The following TACC2 variants were observed in gnomAD, a reference collection of about 807,000 sequenced individuals.
TACC2 encodes the protein transforming acidic coiled-coil-containing protein 2.
TACC2 carries 137 observed loss-of-function variants against 227.3 expected under a neutral mutation model. The observed-to-expected ratio is 0.60, with a 90% CI of 0.52 to 0.69. The LOEUF is 0.69. TACC2 is among the 30% of genes least tolerant of loss of function. The probability of loss-of-function intolerance (pLI) is 0.00; values close to 1 mark genes in which losing one functional copy is unlikely to be tolerated. For synonymous variants in TACC2, 1,523 were observed against 1,487.5 expected, an observed-to-expected ratio of 1.02 and a Z score of -0.55; for missense variants, 3,470 against 3,694.4, an observed-to-expected ratio of 0.94 and a Z score of 1.57.
chr10:122,195,327 C>T, intron 8 of TACC2, 151 bp downstream of exon 8: 1 of 660,020 alleles, frequency 1.5e-6, no homozygotes, highest in South Asian at 2.6e-5. Context: ...TTGTAGTTTT[C>T]TTGAAAATGA....
chr10:122,092,902 G>T (rs1265018780), intron 5 of TACC2, among the ~76,000 whole-genome samples: 1 of 152,202 alleles, frequency 6.6e-6, no homozygotes, highest in Non-Finnish European at 1.5e-5. Flanking sequence ...AGGTTGTTCT[G>T]CAGAAGGTGC....
chr10:122,034,360 C>T (rs2461211), intron 2 of TACC2, among the ~76,000 whole-genome samples: 24,487 of 152,016 alleles, frequency 0.16, 2,758 homozygotes, highest in African/African-American at 0.31. Context: ...GGGCTGATGA[C>T]TCATGTTTTA....
At chr10:122,023,908 AG>A (rs1957663262) in intron 2 of TACC2, 1 of 151,938 alleles carries the variant, frequency 6.6e-6, no homozygotes, top group African/African-American at 2.4e-5. Context: ...TGTCTTAAAC[AG>A]GGAAGCCACC....
intron 5 of TACC2, among the ~76,000 whole-genome samples, chr10:122,113,804 G>A (rs2084105854): frequency 6.6e-6 from 1 of 152,222 alleles, no homozygotes; most frequent in African/African-American, 2.4e-5. Context: ...TCGGGGATCC[G>A]GCGCAACACG....
intron 1 of TACC2, among the ~76,000 whole-genome samples, chr10:122,000,485 A>G (rs1565033071): frequency 6.6e-6 from 1 of 152,206 alleles, no homozygotes; most frequent in South Asian, 2.1e-4. Context: ...CTGATTCCAA[A>G]GCCCACCACT....
At chr10:122,096,432 C>T (rs111611891) in intron 5 of TACC2, among the ~76,000 whole-genome samples, 4,610 of 152,320 alleles carry the variant, frequency 0.03, 65 homozygotes, top group Middle Eastern at 0.048. Context: ...CGCGGTGGCT[C>T]ACGCCTATAA....
intron 3 of TACC2, among the ~76,000 whole-genome samples, chr10:122,061,396 A>T (rs1464518065): frequency 6.6e-6 from 1 of 152,016 alleles, no homozygotes; most frequent in Non-Finnish European, 1.5e-5. Context: ...GAAAAGCACT[A>T]AGGTCAGGTG....
intron 5 of TACC2, among the ~76,000 whole-genome samples, chr10:122,128,049 G>C (rs1446913801): frequency 6.6e-6 from 1 of 152,104 alleles, no homozygotes; most frequent in African/African-American, 2.4e-5. Context: ...CAAGGCAGAA[G>C]GTGGCAGGGG....
intron 8 of TACC2, among the ~76,000 whole-genome samples, chr10:122,203,200 CG>C (rs1267744709): frequency 6.6e-6 from 1 of 152,030 alleles, no homozygotes. Flanking sequence ...GGGTGGTGGC[CG>C]GGCAGAGGGG....
At chr10:122,172,584 A>C (rs2093528522) in intron 7 of TACC2, among the ~76,000 whole-genome samples, 1 of 152,110 alleles carries the variant, frequency 6.6e-6, no homozygotes, top group Non-Finnish European at 1.5e-5. Flanking sequence ...AAGGCGGGAG[A>C]GGTTGGCTTT....
intron 7 of TACC2, among the ~76,000 whole-genome samples, chr10:122,145,485 A>C (rs949443107): frequency 6.6e-6 from 1 of 152,200 alleles, no homozygotes; most frequent in Non-Finnish European, 1.5e-5. Flanking sequence ...AGGAATGGAA[A>C]ACAGATCAGT....
chr10:122,195,212 T>C (rs376938543), intron 8 of TACC2, 36 bp downstream of exon 8: 4 of 1,559,934 alleles, frequency 2.6e-6, no homozygotes, highest in African/African-American at 2.7e-5. Context: ...GACAGCCCTG[T>C]AGAGTTGTGA....
At chr10:122,228,741 T>G (rs1278005005) in intron 14 of TACC2, among the ~76,000 whole-genome samples, 1 of 152,136 alleles carries the variant, frequency 6.6e-6, no homozygotes, top group Non-Finnish European at 1.5e-5. Context: ...GAGCACCTAC[T>G]ATGTGTTTGG....
intron 10 of TACC2, 67 bp from the exon 11 acceptor site, chr10:122,216,560 T>G: frequency 6.5e-7 from 1 of 1,539,910 alleles, no homozygotes; most frequent in Non-Finnish European, 8.8e-7. Context: ...TCCCCAGACC[T>G]GAGGGTGGGC....
intron 3 of TACC2, among the ~76,000 whole-genome samples, chr10:122,062,477 AT>A (rs67512008): frequency 0.9 from 129,279 of 142,994 alleles, 59,102 homozygotes; most frequent in East Asian, 0.98. Flanking sequence ...CTAATTTTGA[AT>A]TTTTTTTTTT....
At chr10:122,139,169 A>G (rs1246995084) in intron 6 of TACC2, among the ~76,000 whole-genome samples, 1 of 152,206 alleles carries the variant, frequency 6.6e-6, no homozygotes, top group Non-Finnish European at 1.5e-5. Context: ...TGCTTGTGCC[A>G]AATTTGAAAA....
chr10:122,152,999 C>CTTTTTTTTTTTTTTTTTTTTTT (rs150943859), intron 7 of TACC2, among the ~76,000 whole-genome samples: 8 of 135,024 alleles, frequency 5.9e-5, no homozygotes, highest in East Asian at 2.3e-4. Flanking sequence ...TTCTTTCTTT[C>CTTTTTTTTTTTTTTTTTTTTTT]TTTTTTTTTT....
chr10:122,150,033 C>G lies in TACC2; in HGVS notation c.5834+6327C>G, dbSNP rs564260493. Among the ~76,000 whole-genome samples the G allele has an allele frequency of 7.9e-4, 121 of 152,322 alleles. No individual in the cohort carries two copies. In the Middle Eastern group the frequency reaches 0.01, roughly 13 times the overall value. On this transcript the variant is annotated intron_variant, in intron 7 of 22. Coordinates refer to ENST00000369005, the MANE Select transcript of TACC2 (RefSeq NM_206862.4). This position sits in a 1 kb window ranked among gnomAD's most constrained non-coding sequence, Gnocchi z 4.0. ...TGCTGGGCTGTCCCGCTGGCTTCAGCCTGAGGAGCAGGAGCAGAGGGCGTC... is the reference window on the plus strand; with the variant it reads ...TGCTGGGCTGTCCCGCTGGCTTCAGGCTGAGGAGCAGGAGCAGAGGGCGTC...
In TACC2 at chr10:122,237,527, G is replaced by T; in HGVS notation, c.8260G>T (p.Ala2754Ser). The T allele has an allele frequency of 1.9e-6, 3 of 1,613,204 alleles. No individual in the cohort carries two copies. Among genetic ancestry groups the T allele is most frequent in the Admixed American group, 1.7e-5 (1 of 59,912 alleles). ...CGACCTGGACTCTGCCCTCCAGATC[G>T]CCAGAGCAGAGGTATCGTGGCATGT... is the stretch of plus-strand genomic sequence containing the variant. ...QPDLDSALQIARAEIITKERE... is the reference protein window; with the variant it reads ...QPDLDSALQISRAEIITKERE... Residue 2754 changes from alanine to serine, a missense_variant, in exon 17 of 23, where the codon GCC becomes TCC. Ala to Ser is a moderately conservative substitution (Grantham distance 99). This residue lies in a region of TACC2 where 345 missense variants were observed against 354.4 expected (regional missense o/e 0.97). Transcript: ENST00000369005.
Sources: allele counts gnomAD v4.1 joint callset (sites outside exome capture counted in the v4.1 genomes callset), GRCh38; gene constraint gnomAD v4.1.1; regional missense constraint gnomAD v4.1.1; non-coding constraint Gnocchi (gnomAD v3.1); transcripts MANE v1.5; gene names NCBI Gene and HGNC (gene_info 2026-07-23, HGNC 2026-07-21).